Variants in PDE2A observed in about 807,000 individuals in gnomAD.
PDE2A encodes phosphodiesterase 2A, also known as cGMP-dependent 3',5'-cyclic phosphodiesterase.
A neutral mutation model predicts 133.6 loss-of-function variants in PDE2A; 53 were observed. That is an observed-to-expected ratio of 0.40 (90% CI 0.32 to 0.50). The LOEUF is 0.50. PDE2A is among the 20% of genes least tolerant of loss of function. The pLI is 0.73. For missense variants in PDE2A, 796 were observed against 1,232.4 expected (o/e 0.65, Z 5.30); for synonymous variants, 491 against 490.2 (o/e 1.00, Z -0.02).
chr11:72,620,521 A>G (rs1857705251), intron 2 of PDE2A, among the ~76,000 whole-genome samples: 1 of 152,108 alleles, frequency 6.6e-6, no homozygotes, highest in Non-Finnish European at 1.5e-5. Flanking sequence ...AGGCCTCTGT[A>G]GTTGGGTTTG....
intron 2 of PDE2A, among the ~76,000 whole-genome samples, chr11:72,613,682 C>G (rs1857326939): frequency 6.6e-6 from 1 of 152,106 alleles, no homozygotes; most frequent in Non-Finnish European, 1.5e-5. Context: ...CAGCCCACTC[C>G]TCCCACAAAC....
Position 72,590,172 on chromosome 11 carries a change from G to A in PDE2A, c.756+20C>T. 1 of 1,542,446 alleles carries A rather than the reference G, an allele frequency of 6.5e-7. No homozygotes were observed. Among genetic ancestry groups the A allele is most frequent in the Non-Finnish European group, 8.8e-7 (1 of 1,139,690 alleles). ...GGGAGACAGGACGGGGAGGTGGCCG[G>A]CAGGGGCGCAGGGACTCACGTATTG... On this transcript the variant is annotated intron_variant, in intron 9 of 30. Transcript: ENST00000334456. The surrounding 1 kb of genome is among the most constrained non-coding windows in gnomAD (Gnocchi z 4.8).
intron 4 of PDE2A, among the ~76,000 whole-genome samples, chr11:72,604,361 A>G (rs1326174629): frequency 6.6e-6 from 1 of 152,074 alleles, no homozygotes; most frequent in Non-Finnish European, 1.5e-5. Context: ...CATGATATCC[A>G]CCCATCTGGA....
chr11:72,640,700 C>A (rs761502657), intron 2 of PDE2A, among the ~76,000 whole-genome samples: 39 of 152,164 alleles, frequency 2.6e-4, no homozygotes, highest in Non-Finnish European at 5.1e-4. Flanking sequence ...ACCATCAGGC[C>A]CCTGCAGTGG....
At chr11:72,656,513 G>C (rs1854905542) in intron 1 of PDE2A, among the ~76,000 whole-genome samples, 1 of 152,130 alleles carries the variant, frequency 6.6e-6, no homozygotes, top group East Asian at 1.9e-4. Context: ...CTAATGCCTT[G>C]CTGGCCCTGG....
chr11:72,585,247 C>T (rs1450575611), intron 16 of PDE2A, 124 bp downstream of exon 16: 1 of 800,216 alleles, frequency 1.2e-6, no homozygotes, highest in Non-Finnish European at 2.1e-6. Context: ...AATAAAGGAT[C>T]CCTCAAAAGG....
At chr11:72,657,991 G>A (rs774462560) in intron 1 of PDE2A, 33 of 456,208 alleles carry the variant, frequency 7.2e-5, no homozygotes, top group South Asian at 3.6e-4. Flanking sequence ...GGAAGAGGGA[G>A]GGAGTTCATA....
At position 72,634,450 on chromosome 11, in the gene PDE2A, G is replaced by C. The variant is rs140959368; in HGVS notation, c.144+7804C>G. On this transcript the variant is annotated intron_variant, in intron 2 of 30. Transcript: ENST00000334456. ...GGGCAAAAAGGAACACCCAGGACTG[G>C]GAATCAGGAAGCCTGATTTCAGGCC... is the stretch of plus-strand genomic sequence containing the variant. 2.0e-5 allele frequency among the ~76,000 whole-genome samples: 3 copies of C among 152,340 alleles called. No homozygotes were observed. The East Asian group carries it at 5.8e-4, about 29-fold the overall frequency.
At chr11:72,632,794 C>A (rs1858474813) in intron 2 of PDE2A, among the ~76,000 whole-genome samples, 1 of 152,044 alleles carries the variant, frequency 6.6e-6, no homozygotes, top group Admixed American at 6.5e-5. Flanking sequence ...TCCCACCACC[C>A]CCAGGACAGG....
chr11:72,627,676 C>A (rs751672165), intron 2 of PDE2A, among the ~76,000 whole-genome samples: 14 of 152,178 alleles, frequency 9.2e-5, no homozygotes, highest in Non-Finnish European at 2.1e-4. Context: ...CCAAGGGCAG[C>A]AATAGAGGAG....
chr11:72,602,845 G>A (rs546726762), intron 4 of PDE2A, among the ~76,000 whole-genome samples: 6 of 152,274 alleles, frequency 3.9e-5, no homozygotes, highest in Admixed American at 6.5e-5. Context: ...CTCTTCCCTC[G>A]TCCATACACC....
At chr11:72,630,848 C>T (rs1272299300) in intron 2 of PDE2A, among the ~76,000 whole-genome samples, 1 of 151,842 alleles carries the variant, frequency 6.6e-6, no homozygotes, top group Non-Finnish European at 1.5e-5. Context: ...GTAGTGACTC[C>T]CCAGGTGAGT....
intron 2 of PDE2A, chr11:72,631,089 C>A: frequency 1.3e-6 from 2 of 1,544,566 alleles, no homozygotes; most frequent in Non-Finnish European, 1.7e-6. Flanking sequence ...TCCAGTCGGT[C>A]GTCTCTACTC....
At position 72,591,318 on chromosome 11, in the gene PDE2A, G is replaced by C. The variant is rs530088352; in HGVS notation, c.528C>G (p.Ser176Arg). Reference sequence around the variant, plus strand: ...TCACATGCTTCTCCACCGCCTGCAGGCTCCATTCCTCATTATCACTCAGCT... The same window carrying C: ...TCACATGCTTCTCCACCGCCTGCAGCCTCCATTCCTCATTATCACTCAGCT... Reference protein sequence around the residue: ...CGQLSDNEEWSLQAVEKHTLV... With the variant: ...CGQLSDNEEWRLQAVEKHTLV... Residue 176 changes from serine (S) to arginine (R), a missense_variant, in exon 7 of 31, where the codon AGC becomes AGG. Ser to Arg is a moderately radical substitution (Grantham distance 110). Coordinates refer to ENST00000334456, the MANE Select transcript of PDE2A (RefSeq NM_002599.5). The C allele has an allele frequency of 6.2e-7, 1 of 1,613,686 alleles. No individual in the cohort carries two copies. Among genetic ancestry groups the C allele is most frequent in the African/African-American group, 1.3e-5 (1 of 74,916 alleles).
intron 17 of PDE2A, 40 bp downstream of exon 17, chr11:72,584,832 G>C: frequency 6.2e-7 from 1 of 1,610,812 alleles, no homozygotes; most frequent in African/African-American, 1.3e-5. Context: ...CGGACTCCCG[G>C]ACACCCCTAG....
At chr11:72,579,152 G>T (rs532870443) in intron 27 of PDE2A, 132 bp downstream of exon 27, 6 of 927,136 alleles carry the variant, frequency 6.5e-6, no homozygotes, top group East Asian at 2.5e-5. Context: ...GGGTCTGCCT[G>T]GGGGGGGCCG....
At position 72,662,647 on chromosome 11, in the gene PDE2A, A is replaced by C. The variant is rs1855101080; in HGVS notation, c.71+11490T>G. Among the ~76,000 whole-genome samples, 4 of 152,126 alleles carry C rather than the reference A, an allele frequency of 2.6e-5. No homozygotes were observed. The South Asian group carries it at 8.3e-4, about 32-fold the overall frequency. The stretch of plus-strand genomic sequence containing the variant: ...CTAGAGGAGGGTCTAGAGCTGCCAC[A>C]CACCTGCATTGGTGGGCAGACACTG... On this transcript the variant is annotated intron_variant, in intron 1 of 30. Coordinates refer to ENST00000334456, the MANE Select transcript of PDE2A (RefSeq NM_002599.5).
chr11:72,657,887 C>T, intron 1 of PDE2A: 2 of 456,142 alleles, frequency 4.4e-6, no homozygotes, highest in Non-Finnish European at 8.8e-6. Flanking sequence ...GAGGCAGCCT[C>T]AGTGAAGGCC....
At chr11:72,653,113 A>G (rs762324135) in intron 1 of PDE2A, among the ~76,000 whole-genome samples, 32 of 152,356 alleles carry the variant, frequency 2.1e-4, no homozygotes, top group Non-Finnish European at 4.1e-4. Context: ...GGCACGGTGC[A>G]GGGCGGAGGC....
Sources: gnomAD v4.1 joint callset for allele counts (sites outside exome capture counted in the v4.1 genomes callset) on GRCh38, gnomAD v4.1.1 for gene constraint, Gnocchi (gnomAD v3.1) non-coding constraint, MANE v1.5 for transcripts, NCBI Gene and HGNC (gene_info 2026-07-23, HGNC 2026-07-21) for gene names.